Variants in EXOC6 observed in about 807,000 individuals in gnomAD.
EXOC6 encodes the protein SEC15-like 1.
In EXOC6, 60 loss-of-function variants were observed where a neutral mutation model predicts 112.5. The observed-to-expected ratio is 0.53, with a 90% CI of 0.43 to 0.66. EXOC6 has a LOEUF of 0.66. EXOC6 is among the 30% of genes least tolerant of loss of function. The probability of loss-of-function intolerance (pLI) is 0.00; values close to 1 mark genes in which losing one functional copy is unlikely to be tolerated. For synonymous variants in EXOC6, 295 were observed against 308.0 expected (o/e 0.96, Z 0.44); for missense variants, 855 against 957.1 (o/e 0.89, Z 1.41).
chr10:93,015,990 G>A (rs1464763247), intron 20 of EXOC6, among the ~76,000 whole-genome samples: 2 of 152,188 alleles, frequency 1.3e-5, no homozygotes, highest in Non-Finnish European at 2.9e-5. Context: ...AGTGAAGAAG[G>A]TGGTCTTTAT....
Position 92,899,582 on chromosome 10 carries a change from T to C in EXOC6, c.413-17T>C. On this transcript the variant is annotated splice_polypyrimidine_tract_variant and intron_variant, in intron 4 of 21. Transcript: ENST00000260762. ...CTTTTCATTTTGAAAGCTAAAATGT[T>C]ATATTTTTTAATGCAGTGCTAGAAA... 1 of 1,554,204 alleles carries C rather than the reference T, an allele frequency of 6.4e-7. No homozygotes were observed. The highest frequency in any genetic ancestry group is 8.7e-7 in the Non-Finnish European group (1 of 1,143,398).
chr10:92,900,775 C>G (rs1458865532), intron 5 of EXOC6: 2 of 150,448 alleles, frequency 1.3e-5, no homozygotes, highest in Non-Finnish European at 3.0e-5. Context: ...ATATTTATGT[C>G]TTTAAATAAC....
chr10:92,937,718 T>G (rs1852428789), intron 12 of EXOC6, among the ~76,000 whole-genome samples: 1 of 152,186 alleles, frequency 6.6e-6, no homozygotes, highest in South Asian at 2.1e-4. Context: ...CTGTCCAAAT[T>G]TTGGGAGCCC....
rs908726742 is a variant in EXOC6 at position 92,958,451 on chromosome 10, G to T, written c.1773+2737G>T. Among the ~76,000 whole-genome samples, 11 of 152,310 alleles carry T rather than the reference G, an allele frequency of 7.2e-5. 1 individual carries two copies. In the East Asian group the frequency reaches 1.9e-3, roughly 27 times the overall value. On this transcript the variant is annotated intron_variant, in intron 17 of 21. Coordinates refer to ENST00000260762, the MANE Select transcript of EXOC6 (RefSeq NM_019053.6). ...TAATTGCAACTGTAAATGCCTAGAA[G>T]AAATGCACTTCTGATTCTTTTTCTA...
In EXOC6 at chr10:92,896,178, TATA is replaced by T. The variant is rs1171534821; in HGVS notation, c.412+1159_412+1161del. ...ATATATATATATATATATATATATA[TATA>T]TTTTTTTTTTTTTTTTTTTTTTTTT... On this transcript the variant is annotated intron_variant, in intron 4 of 21. Coordinates refer to ENST00000260762, the MANE Select transcript of EXOC6 (RefSeq NM_019053.6). Among the ~76,000 whole-genome samples the T allele has an allele frequency of 7.8e-3, 113 of 14,520 alleles. 3 individuals carry two copies. The highest frequency in any genetic ancestry group is 0.012 in the African/African-American group (26 of 2,120). 9.5% of individuals were successfully genotyped at this position (14,520 alleles called of 152,430 possible). A position where few individuals can be genotyped will look rare whatever the true frequency, so the allele number is the denominator to read the frequency against.
intron 17 of EXOC6, among the ~76,000 whole-genome samples, chr10:92,971,053 T>C (rs771426876): frequency 2.0e-5 from 3 of 152,212 alleles, no homozygotes; most frequent in Non-Finnish European, 4.4e-5. Flanking sequence ...CTTTAGTGAT[T>C]TTTTTTCTTT....
intron 20 of EXOC6, among the ~76,000 whole-genome samples, chr10:93,016,084 A>C (rs1308830463): frequency 6.6e-6 from 1 of 152,164 alleles, no homozygotes; most frequent in Non-Finnish European, 1.5e-5. Flanking sequence ...TTAAATTATC[A>C]CTGGCTAAGT....
chr10:92,865,559 A>C (rs1399239408), intron 1 of EXOC6, among the ~76,000 whole-genome samples: 1 of 150,900 alleles, frequency 6.6e-6, no homozygotes, highest in African/African-American at 2.4e-5. Context: ...CTCTCGCCTC[A>C]GCCTCCTGAA....
chr10:92,924,401 T>A (rs1851597370), intron 8 of EXOC6, among the ~76,000 whole-genome samples: 1 of 152,220 alleles, frequency 6.6e-6, no homozygotes, highest in Non-Finnish European at 1.5e-5. Flanking sequence ...GCCAAAAATT[T>A]TAAGTTACAC....
chr10:92,990,300 G>T (rs1843176169), intron 18 of EXOC6, among the ~76,000 whole-genome samples: 1 of 152,108 alleles, frequency 6.6e-6, no homozygotes, highest in Non-Finnish European at 1.5e-5. Flanking sequence ...GCTAATCTTG[G>T]TGAGAAATTT....
chr10:92,942,410 A>G (rs1852717806), intron 13 of EXOC6, among the ~76,000 whole-genome samples: 1 of 152,124 alleles, frequency 6.6e-6, no homozygotes, highest in Admixed American at 6.6e-5. Flanking sequence ...AATATTTTTT[A>G]GTGCCTAAGT....
intron 12 of EXOC6, among the ~76,000 whole-genome samples, chr10:92,940,048 C>T (rs767165946): frequency 1.3e-5 from 2 of 151,906 alleles, no homozygotes; most frequent in Non-Finnish European, 1.5e-5. Context: ...TTTATTTAGC[C>T]AAGAGAAAGG....
chr10:92,946,736 G>A (rs186763634), intron 13 of EXOC6, among the ~76,000 whole-genome samples: 6 of 152,096 alleles, frequency 3.9e-5, no homozygotes, highest in East Asian at 1.9e-4. Context: ...ACACACTAAC[G>A]CTCACTCCTT....
intron 20 of EXOC6, among the ~76,000 whole-genome samples, chr10:93,041,639 C>G (rs1845783635): frequency 6.6e-6 from 1 of 152,170 alleles, no homozygotes; most frequent in Non-Finnish European, 1.5e-5. Context: ...GTTTCGAACT[C>G]TTGACCTCAA....
At chr10:92,847,295 A>G (rs1847084630), upstream of EXOC6, among the ~76,000 whole-genome samples, 1 of 152,164 alleles carries the variant, frequency 6.6e-6, no homozygotes, top group Non-Finnish European at 1.5e-5. Context: ...CTGACATATA[A>G]AAGAACTAGG....
At chr10:92,926,291 A>G (rs1011006287) in intron 8 of EXOC6, among the ~76,000 whole-genome samples, 1 of 152,060 alleles carries the variant, frequency 6.6e-6, no homozygotes, top group Non-Finnish European at 1.5e-5. Flanking sequence ...TAACACCTAA[A>G]GCCTTATAAT....
At chr10:92,891,344 T>C (rs370390601) in intron 1 of EXOC6, among the ~76,000 whole-genome samples, 6 of 152,148 alleles carry the variant, frequency 3.9e-5, no homozygotes, top group African/African-American at 1.4e-4. Context: ...GACATGGAGA[T>C]AGAAAAGAGA....
chr10:92,995,201 T>TTG (rs761118744), intron 18 of EXOC6, among the ~76,000 whole-genome samples: 29 of 151,894 alleles, frequency 1.9e-4, no homozygotes, highest in Non-Finnish European at 4.0e-4. Context: ...AGAGCTAAAT[T>TTG]TGTGTGTGTG....
intron 6 of EXOC6, among the ~76,000 whole-genome samples, chr10:92,914,200 C>G (rs1850957090): frequency 6.6e-6 from 1 of 152,152 alleles, no homozygotes; most frequent in South Asian, 2.1e-4. Context: ...CTATTGTGAA[C>G]TGTGCATGCG....
Sources: allele counts gnomAD v4.1 joint callset (sites outside exome capture counted in the v4.1 genomes callset), GRCh38; gene constraint gnomAD v4.1.1; transcripts MANE v1.5; gene names NCBI Gene and HGNC (gene_info 2026-07-23, HGNC 2026-07-21).